NLRC5: variants seen among roughly 807,000 people sequenced by gnomAD.
The protein encoded by NLRC5 is NLR family CARD domain containing 5.
Under a neutral mutation model 206.9 loss-of-function variants are expected in NLRC5, and 114 were observed. The observed-to-expected ratio is 0.55, with a 90% CI of 0.47 to 0.64. The LOEUF is 0.64. Ranked by LOEUF, NLRC5 falls within the 30% of genes least tolerant of loss-of-function variation. The pLI is 0.00. For missense variants in NLRC5, 2,008 were observed against 2,305.5 expected (o/e 0.87, Z 2.64); for synonymous variants, 952 against 962.8 (o/e 0.99, Z 0.21).
At chr16:57,029,034 T>C (rs1336277623) in intron 8 of NLRC5, among the ~76,000 whole-genome samples, 4 of 152,086 alleles carry the variant, frequency 2.6e-5, no homozygotes, top group African/African-American at 9.7e-5. Flanking sequence ...AGGCACCACT[T>C]CATCCACACA....
At chr16:57,013,838 T>C (rs1291001373) in intron 1 of NLRC5, 1 of 682,764 alleles carries the variant, frequency 1.5e-6, no homozygotes, top group Non-Finnish European at 2.7e-6. Flanking sequence ...AGTTATTTCA[T>C]CCGATACTTT....
chr16:57,042,121 T>G, intron 19 of NLRC5, 56 bp downstream of exon 19: 1 of 1,130,028 alleles, frequency 8.8e-7, no homozygotes, highest in Non-Finnish European at 1.2e-6. Flanking sequence ...GAGCATTCTC[T>G]GTCCCATCCC....
At chr16:57,011,020 A>G (rs1176182973) in intron 1 of NLRC5, among the ~76,000 whole-genome samples, 2 of 152,204 alleles carry the variant, frequency 1.3e-5, no homozygotes, top group Admixed American at 6.5e-5. Flanking sequence ...CCTCAGACAC[A>G]AGCCTGTCAT....
intron 1 of NLRC5, among the ~76,000 whole-genome samples, chr16:56,989,901 A>G (rs543678514): frequency 6.6e-6 from 1 of 152,282 alleles, no homozygotes; most frequent in Admixed American, 6.5e-5. Flanking sequence ...GGACACAGTA[A>G]GCGGCTGTGC....
chr16:57,006,030 C>T (rs2142433698), intron 1 of NLRC5, among the ~76,000 whole-genome samples: 1 of 151,826 alleles, frequency 6.6e-6, no homozygotes, highest in East Asian at 1.9e-4. Context: ...CAGGGTCTCA[C>T]TCTGTCACCC....
At position 57,022,218 on chromosome 16, in the gene NLRC5, C is replaced by T. The variant is rs769781074; in HGVS notation, c.296-38C>T. On this transcript the variant is annotated intron_variant, in intron 3 of 48. Coordinates refer to ENST00000688547, the MANE Select transcript of NLRC5 (RefSeq NM_001384950.1). ...AGAGCTGGTCCCCAGCATCCCTCGACAGCCCCATACCACATTATACTCTCC... is the reference window on the plus strand; with the variant it reads ...AGAGCTGGTCCCCAGCATCCCTCGATAGCCCCATACCACATTATACTCTCC... 2.2e-5 allele frequency: 34 copies of T among 1,571,834 alleles called. No homozygotes were observed. The Admixed American group carries it at 5.6e-4, about 26-fold the overall frequency.
chr16:57,034,336 G>T (rs2062247542), intron 13 of NLRC5, 85 bp downstream of exon 13: 2 of 926,714 alleles, frequency 2.2e-6, no homozygotes, highest in Admixed American at 4.2e-5. Flanking sequence ...GGTGGGTGGT[G>T]TGGGGGAGGG....
chr16:57,074,793 A>C, intron 39 of NLRC5, 110 bp downstream of exon 39: 1 of 1,046,494 alleles, frequency 9.6e-7, no homozygotes, highest in Non-Finnish European at 1.5e-6. Context: ...TCCTTTGCGG[A>C]TCCCTCCCAG....
rs375786124 is a variant in NLRC5, at chr16:57,009,148, G to A, written c.-127-7926G>A. On this transcript the variant is annotated intron_variant, in intron 1 of 48. Transcript: ENST00000688547. ...TCTACCAAAAATACAAAAATTAGCTGGCTGTGGTAGCATGAGCCTGTAGTC... is the reference window on the plus strand; with the variant it reads ...TCTACCAAAAATACAAAAATTAGCTAGCTGTGGTAGCATGAGCCTGTAGTC... 8.1e-4 allele frequency among the ~76,000 whole-genome samples: 121 copies of A among 150,152 alleles called. 6 individuals are homozygous for A. In the South Asian group the frequency reaches 0.024, roughly 30 times the overall value.
Position 57,077,766 on chromosome 16 carries a change from A to G in NLRC5, c.4967A>G (p.Glu1656Gly). The G allele has an allele frequency of 6.2e-7, 1 of 1,605,040 alleles. No individual in the cohort carries two copies. Among genetic ancestry groups the G allele is most frequent in the Non-Finnish European group, 8.5e-7 (1 of 1,174,524 alleles). ...TCAGCCGGGGGAGTGCAGTTGGCAG[A>G]GTCTCTCGTTCTTTGCAGGCGCCTG... ...ISSAGGVQLA[E>G]SLVLCRRLEE... Residue 1656 changes from glutamate (E) to glycine (G), a missense_variant, in exon 42 of 49, where the codon GAG (glutamate) becomes GGG (glycine). Glu to Gly is a moderately conservative substitution (Grantham distance 98, BLOSUM62 -2). Coordinates refer to ENST00000688547, the MANE Select transcript of NLRC5 (RefSeq NM_001384950.1).
chr16:57,033,697 G>A (rs966279441), intron 12 of NLRC5, 28 bp downstream of exon 12: 2 of 1,604,562 alleles, frequency 1.2e-6, no homozygotes, highest in Non-Finnish European at 1.7e-6. Context: ...ATTGCCTTAG[G>A]AGAGGGATAT....
At chr16:57,025,183 A>G (rs2061152684) in intron 5 of NLRC5, among the ~76,000 whole-genome samples, 185 bp from the exon 6 acceptor site, 1 of 152,134 alleles carries the variant, frequency 6.6e-6, no homozygotes, top group East Asian at 1.9e-4. Flanking sequence ...CTCCCTTAGA[A>G]CTGATTCCTT....
intron 31 of NLRC5, 28 bp downstream of exon 31, chr16:57,061,559 C>G (rs1232556445): frequency 3.7e-6 from 6 of 1,609,124 alleles, no homozygotes; most frequent in Non-Finnish European, 5.1e-6. Context: ...CCCGTGAGGA[C>G]AGCAGAGGGG....
intron 11 of NLRC5, among the ~76,000 whole-genome samples, chr16:57,033,363 G>A (rs536304638): frequency 6.6e-6 from 1 of 152,238 alleles, no homozygotes; most frequent in Non-Finnish European, 1.5e-5. Flanking sequence ...ATTTGCCCAA[G>A]GCCACATGGC....
intron 1 of NLRC5, among the ~76,000 whole-genome samples, chr16:57,010,967 C>A (rs2142587123): frequency 6.6e-6 from 1 of 152,138 alleles, no homozygotes; most frequent in East Asian, 1.9e-4. Context: ...AAAAAGGGTC[C>A]ACAGTGGGAA....
At chr16:57,062,173 A>G (rs2066598813) in intron 32 of NLRC5, 1 of 603,120 alleles carries the variant, frequency 1.7e-6, no homozygotes, top group Non-Finnish European at 2.7e-6. Flanking sequence ...AGCGGTTTCA[A>G]GTAAGTTATA....
intron 47 of NLRC5, 36 bp from the exon 48 acceptor site, chr16:57,081,491 T>C (rs1333585235): frequency 6.3e-7 from 1 of 1,599,674 alleles, no homozygotes; most frequent in East Asian, 2.2e-5. Context: ...CATGGCCGTG[T>C]TTCTCTTTCC....
chr16:57,059,467 C>G lies in NLRC5; in HGVS notation c.3921C>G (p.Asn1307Lys). The change falls in exon 30 of 49, where the codon AAC becomes AAG. Residue 1307 changes from asparagine (N) to lysine (K), a missense_variant and splice_region_variant. Transcript: ENST00000688547. ...SCPRVREASVNLGSEQSFRIH... is the reference protein window; with the variant it reads ...SCPRVREASVKLGSEQSFRIH... ...CTTCCCCAGGCCCTTCTCTCTGCAG[C>G]CTGGGCTCTGAGCAGAGCTTCCGGA... is the stretch of plus-strand genomic sequence containing the variant. 1 of 1,607,782 alleles carries G rather than the reference C, an allele frequency of 6.2e-7. No individual in the cohort carries two copies. The highest frequency in any genetic ancestry group is 8.5e-7 in the Non-Finnish European group (1 of 1,177,140).
At chr16:57,062,052 T>C in intron 32 of NLRC5, 2 of 1,334,306 alleles carry the variant, frequency 1.5e-6, no homozygotes, top group East Asian at 4.3e-5. Flanking sequence ...AAAAAGAAGA[T>C]ACCGAAGTAG....
Sources: gnomAD v4.1 joint callset for allele counts (sites outside exome capture counted in the v4.1 genomes callset) on GRCh38, gnomAD v4.1.1 for gene constraint, MANE v1.5 for transcripts, NCBI Gene and HGNC (gene_info 2026-07-23, HGNC 2026-07-21) for gene names.